SUGT1: variants seen among roughly 807,000 people sequenced by gnomAD.
SUGT1 encodes protein SGT1 homolog.
SUGT1 carries 15 observed loss-of-function variants against 56.1 expected under a neutral mutation model. The observed-to-expected ratio is 0.27, with a 90% CI of 0.18 to 0.41. The LOEUF (loss-of-function observed/expected upper bound fraction) is 0.41. Ranked by LOEUF, SUGT1 falls within the 10% of genes least tolerant of loss-of-function variation. The pLI is 1.00. For synonymous variants in SUGT1, 123 were observed against 128.6 expected (o/e 0.96, Z 0.30); for missense variants, 347 against 382.2 (o/e 0.91, Z 0.77).
At chr13:52,684,578 G>A (rs978333555) in intron 12 of SUGT1, among the ~76,000 whole-genome samples, 2 of 151,770 alleles carry the variant, frequency 1.3e-5, no homozygotes, top group East Asian at 3.9e-4. Context: ...TCCCTCTGTC[G>A]CCCAGAGGGG....
rs1351112041 is a variant in SUGT1 at position 52,653,032 on chromosome 13, T to C, written c.39-14T>C. On this transcript the variant is annotated splice_polypyrimidine_tract_variant and intron_variant, in intron 1 of 12. Coordinates refer to ENST00000310528, the MANE Select transcript of SUGT1 (RefSeq NM_006704.5). ...GGCTAGTGAGCCCTGCTGAAGTCGT[T>C]GTTTTCCTGACAGGTTTTTCCAGAG... 6.2e-7 allele frequency: 1 copy of C among 1,614,176 alleles called. No individual in the cohort carries two copies. Among genetic ancestry groups the C allele is most frequent in the South Asian group, 1.1e-5 (1 of 91,086 alleles).
In SUGT1 at chr13:52,660,508, T is replaced by G. The variant is rs147726399; in HGVS notation, c.328+1259T>G. 1.1e-3 allele frequency among the ~76,000 whole-genome samples: 161 copies of G among 152,362 alleles called. 1 individual carries two copies. The East Asian group carries it at 0.015, about 14-fold the overall frequency. On this transcript the variant is annotated intron_variant, in intron 5 of 12. Coordinates refer to ENST00000310528, the MANE Select transcript of SUGT1 (RefSeq NM_006704.5). ...TTCACTCTTAGTATTTTATGTTACA[T>G]TCTTACTCTGTACTGTTTTGAATGT... is the stretch of plus-strand genomic sequence containing the variant.
At chr13:52,674,802 A>G (rs1025693439) in intron 10 of SUGT1, among the ~76,000 whole-genome samples, 42 of 152,240 alleles carry the variant, frequency 2.8e-4, no homozygotes, top group African/African-American at 8.7e-4. Context: ...TAATATTTGC[A>G]CTAAAAATGC....
Position 52,696,262 on chromosome 13 carries a change from A to G in SUGT1, c.*8427A>G, listed in dbSNP as rs1012027695. 9 of 152,206 alleles carry G rather than the reference A, an allele frequency of 5.9e-5. No homozygotes were observed. The highest frequency in any genetic ancestry group is 1.0e-4 in the Non-Finnish European group (7 of 68,058). 9.4% of individuals were successfully genotyped at this position (152,206 alleles called of 1,614,324 possible). On this transcript the variant is annotated 3_prime_UTR_variant, in exon 13 of 13. Transcript: ENST00000310528. ...GCCCTTATTTTCTTCCATTCATTCT[A>G]TGAGATCTCAATTAAAATGTCAGTA...
At chr13:52,678,106 TCTC>T (rs1963222650) in intron 11 of SUGT1, among the ~76,000 whole-genome samples, 1 of 152,194 alleles carries the variant, frequency 6.6e-6, no homozygotes, top group Admixed American at 6.5e-5. Context: ...AAACCTCTGT[TCTC>T]ATCCTTCCTG....
chr13:52,662,777 ATT>A, intron 6 of SUGT1, 75 bp downstream of exon 6: 1 of 1,444,198 alleles, frequency 6.9e-7, no homozygotes, highest in East Asian at 2.3e-5. Context: ...GTTTAAACAA[ATT>A]TGTTTTTATC....
intron 9 of SUGT1, among the ~76,000 whole-genome samples, chr13:52,666,124 T>C (rs1263813898): frequency 6.6e-6 from 1 of 152,238 alleles, no homozygotes; most frequent in Non-Finnish European, 1.5e-5. Flanking sequence ...GTCTCGCTCT[T>C]GCGTAGGCTG....
chr13:52,685,731 G>T (rs763575563), intron 12 of SUGT1, among the ~76,000 whole-genome samples: 3 of 152,152 alleles, frequency 2.0e-5, no homozygotes, highest in Non-Finnish European at 2.9e-5. Context: ...GAATATGAAA[G>T]AAACTAGACT....
intron 9 of SUGT1, among the ~76,000 whole-genome samples, chr13:52,666,547 G>A (rs903440790): frequency 7.9e-5 from 12 of 152,120 alleles, no homozygotes; most frequent in African/African-American, 2.7e-4. Flanking sequence ...TCAAATAGGT[G>A]TGATTAAATA....
intron 5 of SUGT1, 105 bp from the exon 6 acceptor site, chr13:52,662,544 C>A: frequency 2.7e-6 from 3 of 1,108,888 alleles, no homozygotes; most frequent in South Asian, 1.6e-5. Context: ...TGCCGACTCC[C>A]CAGTGCCTAG....
chr13:52,661,536 A>G (rs1373653360), intron 5 of SUGT1: 18 of 379,580 alleles, frequency 4.7e-5, no homozygotes, highest in South Asian at 3.2e-4. Flanking sequence ...CAAGTGATCC[A>G]CCTGCCTTGG....
chr13:52,668,382 CG>C (rs1566184881), intron 10 of SUGT1, among the ~76,000 whole-genome samples: 1 of 152,022 alleles, frequency 6.6e-6, no homozygotes, highest in African/African-American at 2.4e-5. Flanking sequence ...GGAACAGGAT[CG>C]GGGTTGGCCT....
chr13:52,653,987 G>A (rs1037967094), intron 2 of SUGT1, among the ~76,000 whole-genome samples: 3 of 152,218 alleles, frequency 2.0e-5, no homozygotes, highest in African/African-American at 4.8e-5. Context: ...GAAGGAACAA[G>A]GGAATTAACT....
rs1243480717 is a variant in SUGT1, at chr13:52,689,003, T to G, written c.*1168T>G. ...TCAACTGTAATACCCCAGATGTTGG[T>G]CTCAGCTCTGTTAGGTGTCACTAAC... On this transcript the variant is annotated 3_prime_UTR_variant, in exon 13 of 13. Transcript: ENST00000310528. The G allele has an allele frequency of 1.3e-5, 2 of 152,324 alleles. No individual in the cohort carries two copies. Among genetic ancestry groups the G allele is most frequent in the East Asian group, 3.9e-4 (2 of 5,180 alleles). The allele number at this position is 152,324 out of a possible 1,614,324, so 9.4% of individuals were successfully genotyped here. A position where few individuals can be genotyped will look rare whatever the true frequency, so the allele number is the denominator to read the frequency against.
chr13:52,657,721 G>T, intron 3 of SUGT1, 99 bp downstream of exon 3: 1 of 1,093,138 alleles, frequency 9.1e-7, no homozygotes, highest in Non-Finnish European at 1.3e-6. Context: ...TTTTAAATTG[G>T]TCTTTTATAC....
At position 52,692,107 on chromosome 13, in the gene SUGT1, G is replaced by C. The variant is rs899419321; in HGVS notation, c.*4272G>C. 3 of 152,192 alleles carry C rather than the reference G, an allele frequency of 2.0e-5. No homozygotes were observed. Among genetic ancestry groups the C allele is most frequent in the African/African-American group, 4.8e-5 (2 of 41,452 alleles). The allele number at this position is 152,192 out of a possible 1,614,324, so 9.4% of individuals were successfully genotyped here. A position where few individuals can be genotyped will look rare whatever the true frequency, so the allele number is the denominator to read the frequency against. Reference sequence around the variant, plus strand: ...TACTGCAAATAGTGGTAGTTACTGTGTACTAGCATTTCTTATGGATTGGGT... The same window carrying C: ...TACTGCAAATAGTGGTAGTTACTGTCTACTAGCATTTCTTATGGATTGGGT... On this transcript the variant is annotated 3_prime_UTR_variant, in exon 13 of 13. Coordinates refer to ENST00000310528, the MANE Select transcript of SUGT1 (RefSeq NM_006704.5).
intron 12 of SUGT1, among the ~76,000 whole-genome samples, chr13:52,684,862 G>T (rs1405719085): frequency 4.6e-5 from 7 of 151,382 alleles, no homozygotes; most frequent in African/African-American, 1.7e-4. Flanking sequence ...CCTAGGCAGC[G>T]TCCTTCCCTG....
At chr13:52,659,295 T>A in intron 5 of SUGT1, 46 bp downstream of exon 5, 1 of 1,213,102 alleles carries the variant, frequency 8.2e-7, no homozygotes, top group Non-Finnish European at 1.1e-6. Context: ...TATTTCTGTC[T>A]TAAATACCAA....
At chr13:52,655,318 A>G (rs1962111882) in intron 2 of SUGT1, among the ~76,000 whole-genome samples, 1 of 152,220 alleles carries the variant, frequency 6.6e-6, no homozygotes, top group African/African-American at 2.4e-5. Context: ...ACTCCAGCCC[A>G]GGCGACAGTG....
Sources: allele counts gnomAD v4.1 joint callset (sites outside exome capture counted in the v4.1 genomes callset), GRCh38; gene constraint gnomAD v4.1.1; transcripts MANE v1.5; gene names NCBI Gene and HGNC (gene_info 2026-07-23, HGNC 2026-07-21).